ATP23: variants seen among roughly 807,000 people sequenced by gnomAD.
ATP23 encodes mitochondrial inner membrane protease ATP23 homolog.
Under a neutral mutation model 28.5 loss-of-function variants are expected in ATP23, and 24 were observed. The observed-to-expected ratio is 0.84, with a 90% CI of 0.61 to 1.18. The LOEUF is 1.18. Among genes scored for constraint, ATP23 ranks in the 50% most tolerant of loss-of-function variants. The pLI, the probability that ATP23 is intolerant of heterozygous loss-of-function variation, is 0.00. For missense variants in ATP23, 274 were observed against 306.4 expected (o/e 0.89, Z 0.79); for synonymous variants, 99 against 108.6 (o/e 0.91, Z 0.55).
rs181624887 is a variant in ATP23, at chr12:57,957,229, A to G, written c.*339A>G. 5.2e-6 allele frequency: 1 copy of G among 192,402 alleles called. No individual in the cohort carries two copies. The highest frequency in any genetic ancestry group is 6.0e-5 in the Admixed American group (1 of 16,642). The allele number at this position is 192,402 out of a possible 1,614,324, so 11.9% of individuals were successfully genotyped here. A position where few individuals can be genotyped will look rare whatever the true frequency, so the allele number is the denominator to read the frequency against. ...TCTTCCATGATGTTGATAGGTGACC[A>G]CTGTTGGTATTTACATTAAATGTAA... is the stretch of plus-strand genomic sequence containing the variant. On this transcript the variant is annotated 3_prime_UTR_variant, in exon 6 of 6. Transcript: ENST00000300145.
intron 3 of ATP23, among the ~76,000 whole-genome samples, chr12:57,948,950 CT>C (rs1178058941): frequency 5.3e-5 from 8 of 152,232 alleles, no homozygotes; most frequent in Admixed American, 2.6e-4. Flanking sequence ...TCTCCAATTA[CT>C]TTCCACCTTC....
chr12:57,943,438 G>T (rs1956727604), intron 1 of ATP23, among the ~76,000 whole-genome samples: 1 of 152,084 alleles, frequency 6.6e-6, no homozygotes, highest in South Asian at 2.1e-4. Flanking sequence ...TCAGCACTTT[G>T]GGGAGCCAAG....
intron 4 of ATP23, among the ~76,000 whole-genome samples, chr12:57,952,670 C>T (rs938034235): frequency 6.6e-5 from 10 of 151,988 alleles, no homozygotes; most frequent in Non-Finnish European, 1.3e-4. Context: ...AATATGTAGC[C>T]CCCTGCATCT....
At chr12:57,956,634 C>A in intron 5 of ATP23, 53 bp from the exon 6 acceptor site, 3 of 1,271,946 alleles carry the variant, frequency 2.4e-6, no homozygotes, top group South Asian at 1.5e-5. Flanking sequence ...TGTATTATTT[C>A]GTGATTAAAT....
At chr12:57,946,750 C>G (rs1017068543) in intron 2 of ATP23, among the ~76,000 whole-genome samples, 1 of 152,120 alleles carries the variant, frequency 6.6e-6, no homozygotes, top group South Asian at 2.1e-4. Flanking sequence ...GCCACCGCGC[C>G]TGGGGGACAA....
intron 5 of ATP23, among the ~76,000 whole-genome samples, chr12:57,955,392 A>C (rs921380158): frequency 6.6e-6 from 1 of 152,102 alleles, no homozygotes; most frequent in Non-Finnish European, 1.5e-5. Context: ...AGCAGAAAAC[A>C]AATAGAAACA....
chr12:57,945,619 CT>C lies in ATP23; in HGVS notation c.188-3del. ...TCCAATTACTTAATTAAATCAATATCTTTTTTAGATCCATATGTCAAACTTC... is the reference window on the plus strand; with the variant it reads ...TCCAATTACTTAATTAAATCAATATCTTTTTAGATCCATATGTCAAACTTC... On this transcript the variant is annotated splice_polypyrimidine_tract_variant and splice_region_variant and intron_variant, in intron 1 of 5. Coordinates refer to ENST00000300145, the MANE Select transcript of ATP23 (RefSeq NM_033276.4). The C allele has an allele frequency of 6.2e-7, 1 of 1,609,860 alleles. No homozygotes were observed. Among genetic ancestry groups the C allele is most frequent in the Non-Finnish European group, 8.5e-7 (1 of 1,176,434 alleles).
At chr12:57,946,487 CT>C (rs1190477896) in intron 2 of ATP23, among the ~76,000 whole-genome samples, 8 of 68,462 alleles carry the variant, frequency 1.2e-4, no homozygotes, top group Non-Finnish European at 1.5e-4. Flanking sequence ...TAGTTTTGCT[CT>C]TTTTTTTTGC....
chr12:57,946,446 ATTTTTTTTT>A (rs369316315), intron 2 of ATP23, among the ~76,000 whole-genome samples: 1 of 104,034 alleles, frequency 9.6e-6, no homozygotes, highest in African/African-American at 3.8e-5. Flanking sequence ...AGTTGAACAA[ATTTTTTTTT>A]TTTTTTTTTT....
chr12:57,951,577 T>C (rs1362433418), intron 3 of ATP23, among the ~76,000 whole-genome samples, 181 bp from the exon 4 acceptor site: 2 of 152,162 alleles, frequency 1.3e-5, no homozygotes, highest in Non-Finnish European at 2.9e-5. Context: ...AATTGGAGCA[T>C]GTACACTTAG....
In ATP23 at chr12:57,947,026, G is replaced by T. The variant is rs745657952; in HGVS notation, c.265G>T (p.Glu89Ter). 63 of 1,613,906 alleles carry T rather than the reference G, an allele frequency of 3.9e-5. No homozygotes were observed. The highest frequency in any genetic ancestry group is 5.2e-5 in the Non-Finnish European group (61 of 1,179,946). The change falls in exon 3 of 6, where the codon GAA becomes TAA. Residue 89 changes from glutamate (E) to a stop codon, truncating the protein, a stop_gained. Transcript: ENST00000300145. LOFTEE classifies it high-confidence loss of function. The part of the protein sequence containing the change: ...AVNKDRHFSC[E>*]DCNGNVSGGF... ...TAACAAAGATAGACACTTTTCTTGCGAAGACTGTAATGGAAATGTCAGTGG... is the reference window on the plus strand; with the variant it reads ...TAACAAAGATAGACACTTTTCTTGCTAAGACTGTAATGGAAATGTCAGTGG...
intron 3 of ATP23, among the ~76,000 whole-genome samples, chr12:57,948,486 T>G (rs1956783451): frequency 6.6e-6 from 1 of 152,180 alleles, no homozygotes; most frequent in Non-Finnish European, 1.5e-5. Flanking sequence ...TTTCACCATA[T>G]TGGCCAGGCT....
chr12:57,945,055 A>G (rs1212585429), intron 1 of ATP23, among the ~76,000 whole-genome samples: 2 of 152,200 alleles, frequency 1.3e-5, no homozygotes, highest in African/African-American at 4.8e-5. Context: ...TTTGGTATAT[A>G]CCGTAATACA....
chr12:57,942,515 C>T (rs1956715962), intron 1 of ATP23, among the ~76,000 whole-genome samples: 1 of 151,694 alleles, frequency 6.6e-6, no homozygotes, highest in Non-Finnish European at 1.5e-5. Flanking sequence ...GCTCCGCCTA[C>T]TGGGTTCACG....
rs1057208864 is a variant in ATP23, at chr12:57,949,030, G to A, written c.315+1954G>A. Among the ~76,000 whole-genome samples the A allele has an allele frequency of 2.6e-5, 4 of 152,186 alleles. No homozygotes were observed. The South Asian group carries it at 6.2e-4, about 24-fold the overall frequency. ...GTTTATTTCGTTTCCCTGTTATATG[G>A]TATTTATTCCGTTGTGTGTTTATAC... is the stretch of plus-strand genomic sequence containing the variant. On this transcript the variant is annotated intron_variant, in intron 3 of 5. Transcript: ENST00000300145.
chr12:57,950,279 C>T (rs190011336), intron 3 of ATP23, among the ~76,000 whole-genome samples: 7 of 152,272 alleles, frequency 4.6e-5, no homozygotes, highest in Non-Finnish European at 7.4e-5. Context: ...CCTCACCAGC[C>T]GTATCTGTTG....
intron 4 of ATP23, 100 bp from the exon 5 acceptor site, chr12:57,953,506 T>G: frequency 1.0e-6 from 1 of 963,788 alleles, no homozygotes; most frequent in Admixed American, 2.6e-5. Context: ...ACAAAGATGC[T>G]AATTTTATAT....
At chr12:57,946,918 T>C in intron 2 of ATP23, 77 bp from the exon 3 acceptor site, 1 of 1,231,086 alleles carries the variant, frequency 8.1e-7, no homozygotes, top group Non-Finnish European at 1.2e-6. Context: ...TGGTGGAGGG[T>C]CTCCTGAGCC....
chr12:57,943,344 AAG>A (rs1956726206), intron 1 of ATP23, among the ~76,000 whole-genome samples: 2 of 152,252 alleles, frequency 1.3e-5, no homozygotes, highest in East Asian at 1.9e-4. Context: ...ATTGTAAAAA[AAG>A]AGAAGGGGAA....
Sources: allele counts gnomAD v4.1 joint callset (sites outside exome capture counted in the v4.1 genomes callset), GRCh38; gene constraint gnomAD v4.1.1; transcripts MANE v1.5; gene names NCBI Gene and HGNC (gene_info 2026-07-23, HGNC 2026-07-21).